The following KIRREL3 variants were observed in gnomAD, a reference collection of about 807,000 sequenced individuals.
KIRREL3 encodes the protein kin of IRRE-like protein 3.
A neutral mutation model predicts 89.7 loss-of-function variants in KIRREL3; 36 were observed. The ratio of observed to expected loss-of-function variants is 0.40; its 90% CI spans 0.31 to 0.53. The LOEUF is 0.53. Among genes scored for constraint, KIRREL3 ranks in the 20% least tolerant of loss-of-function variants. The probability of loss-of-function intolerance (pLI) is 0.49; values close to 1 mark genes in which losing one functional copy is unlikely to be tolerated. For synonymous variants in KIRREL3, 445 were observed against 441.4 expected, an observed-to-expected ratio of 1.01 and a Z score of -0.10; for missense variants, 864 against 1,056.6, an observed-to-expected ratio of 0.82 and a Z score of 2.53.
In KIRREL3 at chr11:126,909,271, C is replaced by T. The variant is rs766155630; in HGVS notation, c.55+91184G>A. The stretch of plus-strand genomic sequence containing the variant: ...AGGTGTGGCACTAAAACCCAGGCTC[C>T]GGCCTGGGACTCTTTACATTATAAG... On this transcript the variant is annotated intron_variant, in intron 1 of 16. Coordinates refer to ENST00000525144, the MANE Select transcript of KIRREL3 (RefSeq NM_032531.4). This position sits in a 1 kb window ranked among gnomAD's most constrained non-coding sequence, Gnocchi z 4.5. Among the ~76,000 whole-genome samples the T allele has an allele frequency of 1.3e-5, 2 of 152,110 alleles. No individual in the cohort carries two copies. Among genetic ancestry groups the T allele is most frequent in the African/African-American group, 4.8e-5 (2 of 41,430 alleles).
rs1945935837 is a variant in KIRREL3 at position 126,671,285 on chromosome 11, C to T, written c.56-108373G>A. On this transcript the variant is annotated intron_variant, in intron 1 of 16. Coordinates refer to ENST00000525144, the MANE Select transcript of KIRREL3 (RefSeq NM_032531.4). ...GTCTTGCTGCACTGCCCACACCACT[C>T]TTGAACTCCTGAGCTCAAAAAATCC... Among the ~76,000 whole-genome samples the T allele has an allele frequency of 2.0e-5, 3 of 147,292 alleles. 1 individual carries two copies. The highest frequency in any genetic ancestry group is 5.1e-5 in the African/African-American group (2 of 39,586).
chr11:126,880,695 A>G (rs1050359420), intron 1 of KIRREL3, among the ~76,000 whole-genome samples: 1 of 150,832 alleles, frequency 6.6e-6, no homozygotes, highest in Non-Finnish European at 1.5e-5. Context: ...TACACTTAGC[A>G]TTAAATAACT....
rs1173828541 is a variant in KIRREL3 at position 126,647,452 on chromosome 11, AG to A, written c.56-84541del. Among the ~76,000 whole-genome samples the A allele has an allele frequency of 7.9e-5, 12 of 152,254 alleles. No homozygotes were observed. The highest frequency in any genetic ancestry group is 3.4e-3 in the Middle Eastern group (1 of 294). On this transcript the variant is annotated intron_variant, in intron 1 of 16. Transcript: ENST00000525144. This position sits in a 1 kb window ranked among gnomAD's most constrained non-coding sequence, Gnocchi z 4.9. ...CAAATTCAACCCCACCCCTCTCACC[AG>A]GGTCCAAGTTATTTGAATACTTCAT...
chr11:126,809,656 C>CT (rs1384124373), intron 1 of KIRREL3, among the ~76,000 whole-genome samples: 1 of 152,180 alleles, frequency 6.6e-6, no homozygotes, highest in Non-Finnish European at 1.5e-5. Flanking sequence ...GGTTAGAGGA[C>CT]TCACAGAAGT....
chr11:126,732,906 T>G (rs1041798874), intron 1 of KIRREL3, among the ~76,000 whole-genome samples: 17 of 152,220 alleles, frequency 1.1e-4, no homozygotes, highest in African/African-American at 3.6e-4. Flanking sequence ...TTAAGTGTCT[T>G]GTTTGGGACT....
At chr11:126,801,077 T>C (rs1236829324) in intron 1 of KIRREL3, among the ~76,000 whole-genome samples, 1 of 152,234 alleles carries the variant, frequency 6.6e-6, no homozygotes, top group Non-Finnish European at 1.5e-5. Context: ...TTCTGATTTT[T>C]AGAAAAACCT....
chr11:126,670,046 G>A (rs952862022), intron 1 of KIRREL3, among the ~76,000 whole-genome samples: 1 of 152,096 alleles, frequency 6.6e-6, no homozygotes, highest in Non-Finnish European at 1.5e-5. Context: ...AGCATGTCCT[G>A]TTGGCTCTTG....
intron 1 of KIRREL3, among the ~76,000 whole-genome samples, chr11:126,787,965 A>G (rs1012872758): frequency 6.6e-6 from 1 of 152,174 alleles, no homozygotes; most frequent in African/African-American, 2.4e-5. Context: ...TCACAACTCT[A>G]TGATGTAGCT....
rs1591719915 is a variant in KIRREL3 at position 126,550,243 on chromosome 11, G to A, written c.133+12592C>T. The A allele has an allele frequency of 6.6e-6, 1 of 152,340 alleles. No individual in the cohort carries two copies. The highest frequency in any genetic ancestry group is 1.9e-4 in the East Asian group (1 of 5,186). 9.4% of individuals were successfully genotyped at this position (152,340 alleles called of 1,614,324 possible). A position where few individuals can be genotyped will look rare whatever the true frequency, so the allele number is the denominator to read the frequency against. ...CACACTGGTACTTGGCAGGGATATG[G>A]AACCAGATGACCTTTGGTCCCTTCT... On this transcript the variant is annotated intron_variant, in intron 2 of 16. Transcript: ENST00000525144. The surrounding 1 kb of genome is among the most constrained non-coding windows in gnomAD (Gnocchi z 4.9).
intron 1 of KIRREL3, among the ~76,000 whole-genome samples, chr11:126,963,348 GAC>G (rs1262185314): frequency 6.7e-6 from 1 of 149,556 alleles, no homozygotes; most frequent in East Asian, 2.0e-4. Flanking sequence ...CACACACACA[GAC>G]ACACACACAG....
At position 126,552,752 on chromosome 11, in the gene KIRREL3, G is replaced by A. The variant is rs373941106; in HGVS notation, c.133+10083C>T. ...ATTTTTTTGTATTTTTAGTAGAGAC[G>A]GGGTTTCGCCATGTTGGCCAGGCTG... On this transcript the variant is annotated intron_variant, in intron 2 of 16. Coordinates refer to ENST00000525144, the MANE Select transcript of KIRREL3 (RefSeq NM_032531.4). Among the ~76,000 whole-genome samples, 45 of 151,724 alleles carry A rather than the reference G, an allele frequency of 3.0e-4. No individual in the cohort carries two copies. The East Asian group carries it at 8.0e-3, about 27-fold the overall frequency.
rs1329281934 is a variant in KIRREL3, at chr11:126,976,471, C to T, written c.55+23984G>A. On this transcript the variant is annotated intron_variant, in intron 1 of 16. Transcript: ENST00000525144. This position sits in a 1 kb window ranked among gnomAD's most constrained non-coding sequence, Gnocchi z 4.2. ...CCACTGTTTCTGAATCTACTGTCAT[C>T]TACAATTTTACTTTTTTAAAAAGTG... Among the ~76,000 whole-genome samples, 1 of 152,120 alleles carries T rather than the reference C, an allele frequency of 6.6e-6. No homozygotes were observed. The highest frequency in any genetic ancestry group is 2.4e-5 in the African/African-American group (1 of 41,426).
intron 1 of KIRREL3, among the ~76,000 whole-genome samples, chr11:126,762,371 T>C (rs976952907): frequency 3.9e-5 from 6 of 152,166 alleles, no homozygotes; most frequent in Non-Finnish European, 8.8e-5. Context: ...TAGTGCCAAC[T>C]GAGACAAAAA....
chr11:126,848,764 C>T (rs1490095354), intron 1 of KIRREL3, among the ~76,000 whole-genome samples: 1 of 152,158 alleles, frequency 6.6e-6, no homozygotes, highest in African/African-American at 2.4e-5. Context: ...CCAGATATCA[C>T]CTTTTGTTGG....
chr11:126,809,981 T>C (rs1402003357), intron 1 of KIRREL3, among the ~76,000 whole-genome samples: 2 of 152,202 alleles, frequency 1.3e-5, no homozygotes, highest in Non-Finnish European at 2.9e-5. Flanking sequence ...TGATGACATG[T>C]CATTCGCCTC....
intron 1 of KIRREL3, among the ~76,000 whole-genome samples, chr11:126,732,116 G>A (rs1164506222): frequency 6.6e-6 from 1 of 152,224 alleles, no homozygotes; most frequent in Non-Finnish European, 1.5e-5. Context: ...CCTGCCTGGG[G>A]TCTTTACAAT....
intron 1 of KIRREL3, among the ~76,000 whole-genome samples, chr11:126,809,399 C>A (rs1051029898): frequency 6.6e-6 from 1 of 152,140 alleles, no homozygotes; most frequent in Non-Finnish European, 1.5e-5. Flanking sequence ...ACACAGAAGA[C>A]AGACAAGGAA....
At position 126,747,551 on chromosome 11, in the gene KIRREL3, C is replaced by T. The variant is rs1949193482; in HGVS notation, c.56-184639G>A. ...GCTCACATGTTCCCTCTCTGCAAAGCAGTGCTCTCTGTGGTCGTGGCTGTG... is the reference window on the plus strand; with the variant it reads ...GCTCACATGTTCCCTCTCTGCAAAGTAGTGCTCTCTGTGGTCGTGGCTGTG... On this transcript the variant is annotated intron_variant, in intron 1 of 16. Coordinates refer to ENST00000525144, the MANE Select transcript of KIRREL3 (RefSeq NM_032531.4). This position sits in a 1 kb window ranked among gnomAD's most constrained non-coding sequence, Gnocchi z 4.7. 6.6e-6 allele frequency among the ~76,000 whole-genome samples: 1 copy of T among 152,184 alleles called. No individual in the cohort carries two copies. Among genetic ancestry groups the T allele is most frequent in the Non-Finnish European group, 1.5e-5 (1 of 67,978 alleles).
chr11:126,887,583 C>T (rs1051065081), intron 1 of KIRREL3, among the ~76,000 whole-genome samples: 7 of 152,130 alleles, frequency 4.6e-5, no homozygotes, highest in Admixed American at 1.3e-4. Flanking sequence ...AGTAGGTTTT[C>T]ATTTCCCAGC....
Sources: gnomAD v4.1 joint callset for allele counts (sites outside exome capture counted in the v4.1 genomes callset) on GRCh38, gnomAD v4.1.1 for gene constraint, Gnocchi (gnomAD v3.1) non-coding constraint, MANE v1.5 for transcripts, NCBI Gene and HGNC (gene_info 2026-07-23, HGNC 2026-07-21) for gene names.